TMPRSS12: variants seen among roughly 807,000 people sequenced by gnomAD.
The protein encoded by TMPRSS12 is transmembrane serine protease 12.
TMPRSS12 carries 25 observed loss-of-function variants against 26.0 expected under a neutral mutation model. The ratio of observed to expected loss-of-function variants is 0.96; its 90% CI spans 0.70 to 1.34. TMPRSS12 has a LOEUF of 1.34. Among genes scored for constraint, TMPRSS12 ranks in the 40% most tolerant of loss-of-function variants. TMPRSS12 has a pLI of 0.00. For missense variants in TMPRSS12, 441 were observed against 440.1 expected (o/e 1.00, Z -0.02); for synonymous variants, 150 against 161.7 (o/e 0.93, Z 0.55).
At chr12:50,885,548 G>T in intron 4 of TMPRSS12, 160 bp downstream of exon 4, 1 of 891,566 alleles carries the variant, frequency 1.1e-6, no homozygotes. Context: ...AAATCTTCTT[G>T]GTTCCTGATT....
intron 3 of TMPRSS12, among the ~76,000 whole-genome samples, chr12:50,872,301 C>G (rs906982795): frequency 6.6e-6 from 1 of 151,062 alleles, no homozygotes; most frequent in Non-Finnish European, 1.5e-5. Flanking sequence ...ATCATGAGGT[C>G]AGGAGATCGA....
At chr12:50,874,945 A>G (rs1312971110) in intron 3 of TMPRSS12, among the ~76,000 whole-genome samples, 1 of 152,200 alleles carries the variant, frequency 6.6e-6, no homozygotes. Context: ...AGATGACACA[A>G]ACAAATGCGA....
chr12:50,844,653 G>A (rs1937751338), intron 2 of TMPRSS12, among the ~76,000 whole-genome samples: 1 of 152,130 alleles, frequency 6.6e-6, no homozygotes, highest in African/African-American at 2.4e-5. Context: ...GGGATTACAG[G>A]TGTAAGCCAC....
intron 3 of TMPRSS12, among the ~76,000 whole-genome samples, chr12:50,866,484 A>C (rs1377385984): frequency 6.6e-6 from 1 of 151,570 alleles, no homozygotes; most frequent in Non-Finnish European, 1.5e-5. Flanking sequence ...AGACCCACCC[A>C]AGGAGAGTCT....
At position 50,843,171 on chromosome 12, in the gene TMPRSS12, G is replaced by A. The variant is rs367963273; in HGVS notation, c.187+20G>A. 25 of 1,533,806 alleles carry A rather than the reference G, an allele frequency of 1.6e-5. No individual in the cohort carries two copies. The African/African-American group carries it at 2.9e-4, about 18-fold the overall frequency. On this transcript the variant is annotated intron_variant, in intron 1 of 4. Transcript: ENST00000398458. The stretch of plus-strand genomic sequence containing the variant: ...CAGAGGGCAGTACCTGTTCGTGCCT[G>A]TCTCTGGGGAGCCTCTCTTACCTTT...
At chr12:50,874,589 A>G (rs773320243) in intron 3 of TMPRSS12, among the ~76,000 whole-genome samples, 2 of 152,186 alleles carry the variant, frequency 1.3e-5, no homozygotes, top group Non-Finnish European at 2.9e-5. Context: ...AGAGAAAGAA[A>G]TAAAAGGTAA....
At chr12:50,866,661 C>T (rs1937993886) in intron 3 of TMPRSS12, among the ~76,000 whole-genome samples, 1 of 152,122 alleles carries the variant, frequency 6.6e-6, no homozygotes, top group African/African-American at 2.4e-5. Flanking sequence ...CACCTCCCAG[C>T]AGGAGGCCAA....
chr12:50,885,497 A>G (rs752975947), intron 4 of TMPRSS12, 109 bp downstream of exon 4: 4 of 1,269,944 alleles, frequency 3.1e-6, no homozygotes. Context: ...GCCTAAAAAT[A>G]ATAAATCATT....
chr12:50,851,411 A>G (rs1250150798), intron 2 of TMPRSS12, among the ~76,000 whole-genome samples: 2 of 152,222 alleles, frequency 1.3e-5, no homozygotes, highest in East Asian at 3.8e-4. Context: ...ATTTAATAAT[A>G]CAATTAGAAG....
At chr12:50,872,163 T>C (rs971015164) in intron 3 of TMPRSS12, among the ~76,000 whole-genome samples, 6 of 152,112 alleles carry the variant, frequency 3.9e-5, no homozygotes, top group Admixed American at 1.3e-4. Context: ...GCAGCACAAT[T>C]CGCAATTGCA....
At chr12:50,881,234 C>T (rs1412134121) in intron 3 of TMPRSS12, among the ~76,000 whole-genome samples, 1 of 152,066 alleles carries the variant, frequency 6.6e-6, no homozygotes, top group African/African-American at 2.4e-5. Flanking sequence ...CTGCCCGCCT[C>T]AGCCTCCCAA....
chr12:50,876,578 G>A (rs909481829), intron 3 of TMPRSS12, among the ~76,000 whole-genome samples: 1 of 152,160 alleles, frequency 6.6e-6, no homozygotes, highest in Non-Finnish European at 1.5e-5. Context: ...GCTGAGGCGG[G>A]CAGATCATGA....
At chr12:50,857,836 G>C (rs1370954867) in intron 2 of TMPRSS12, among the ~76,000 whole-genome samples, 1 of 148,000 alleles carries the variant, frequency 6.8e-6, no homozygotes, top group Non-Finnish European at 1.5e-5. Context: ...TGTTGTTGTT[G>C]TTGTTGTTTT....
At chr12:50,850,439 G>A (rs1478720832) in intron 2 of TMPRSS12, among the ~76,000 whole-genome samples, 1 of 152,116 alleles carries the variant, frequency 6.6e-6, no homozygotes, top group Non-Finnish European at 1.5e-5. Flanking sequence ...AATTAGCCCG[G>A]TATGGTGGCT....
intron 4 of TMPRSS12, 195 bp from the exon 5 acceptor site, chr12:50,887,067 A>G (rs1938234453): frequency 8.7e-6 from 5 of 572,762 alleles, no homozygotes; most frequent in Non-Finnish European, 1.5e-5. Flanking sequence ...TCCTCCAAAT[A>G]CCTGGGTAAA....
intron 3 of TMPRSS12, among the ~76,000 whole-genome samples, chr12:50,867,865 C>T (rs1339184275): frequency 6.6e-6 from 1 of 152,126 alleles, no homozygotes; most frequent in Non-Finnish European, 1.5e-5. Flanking sequence ...TTTTGTATCC[C>T]GTGAAACTAA....
intron 4 of TMPRSS12, 172 bp from the exon 5 acceptor site, chr12:50,887,090 C>A: frequency 1.5e-6 from 1 of 652,014 alleles, no homozygotes; most frequent in Non-Finnish European, 2.4e-6. Flanking sequence ...TGAATTCCTC[C>A]TGTTTGAGTT....
chr12:50,864,719 G>A (rs1412126038), intron 3 of TMPRSS12, among the ~76,000 whole-genome samples: 5 of 152,042 alleles, frequency 3.3e-5, no homozygotes, highest in Middle Eastern at 3.2e-3. Flanking sequence ...GTGCAGTGGC[G>A]AGATCTTGGC....
chr12:50,885,049 C>T (rs569515088), intron 3 of TMPRSS12, among the ~76,000 whole-genome samples, 197 bp from the exon 4 acceptor site: 4 of 152,058 alleles, frequency 2.6e-5, no homozygotes, highest in African/African-American at 7.2e-5. Context: ...ATCTCAAAAA[C>T]GAACAAACAA....
Sources: allele counts gnomAD v4.1 joint callset (sites outside exome capture counted in the v4.1 genomes callset), GRCh38; gene constraint gnomAD v4.1.1; transcripts MANE v1.5; gene names NCBI Gene and HGNC (gene_info 2026-07-23, HGNC 2026-07-21).